Variants in GRIN2A observed in about 807,000 individuals in gnomAD.
GRIN2A encodes glutamate receptor ionotropic, NMDA 2A.
A neutral mutation model predicts 113.4 loss-of-function variants in GRIN2A; 22 were observed. That is an observed-to-expected ratio of 0.19 (90% CI 0.14 to 0.28). The LOEUF is 0.28. GRIN2A is among the 10% of genes least tolerant of loss of function. The pLI, the probability that GRIN2A is intolerant of heterozygous loss-of-function variation, is 1.00. For synonymous variants in GRIN2A, 827 were observed against 738.4 expected (o/e 1.12, Z -1.94); for missense variants, 1,502 against 1,887.0 (o/e 0.80, Z 3.78).
At chr16:10,021,082 G>C (rs1343281248) in intron 2 of GRIN2A, among the ~76,000 whole-genome samples, 1 of 152,154 alleles carries the variant, frequency 6.6e-6, no homozygotes, top group African/African-American at 2.4e-5. Context: ...GTCCTTTCAG[G>C]GGGCAGGTGA....
chr16:10,036,607 AT>A (rs1239675840), intron 2 of GRIN2A, among the ~76,000 whole-genome samples: 138 of 142,570 alleles, frequency 9.7e-4, no homozygotes, highest in East Asian at 1.0e-3. Context: ...CGCCCGGCTA[AT>A]TTTTTTTTTT....
chr16:10,102,894 G>A (rs2048427081), intron 2 of GRIN2A, among the ~76,000 whole-genome samples: 1 of 152,132 alleles, frequency 6.6e-6, no homozygotes, highest in African/African-American at 2.4e-5. Context: ...CTCTTGCACT[G>A]GGGCACTCTT....
At chr16:9,921,559 T>G (rs1210755330) in intron 3 of GRIN2A, among the ~76,000 whole-genome samples, 2 of 152,254 alleles carry the variant, frequency 1.3e-5, no homozygotes, top group Non-Finnish European at 2.9e-5. Context: ...ACAGAGATGT[T>G]GTGACAATAA....
At chr16:10,107,200 A>G (rs2048516783) in intron 2 of GRIN2A, among the ~76,000 whole-genome samples, 1 of 152,214 alleles carries the variant, frequency 6.6e-6, no homozygotes, top group African/African-American at 2.4e-5. Context: ...TATTTGGAAG[A>G]GCTAAGCGGA....
chr16:9,868,309 C>A (rs576231354), intron 4 of GRIN2A, among the ~76,000 whole-genome samples: 1 of 152,220 alleles, frequency 6.6e-6, no homozygotes, highest in Admixed American at 6.5e-5. Context: ...ATTCTGTCTC[C>A]CACGCTGGAT....
intron 2 of GRIN2A, among the ~76,000 whole-genome samples, chr16:9,970,290 C>T (rs975379413): frequency 4.6e-5 from 7 of 152,148 alleles, no homozygotes; most frequent in African/African-American, 1.7e-4. Flanking sequence ...CTTTAATGTA[C>T]AATCCTTTTC....
At chr16:10,105,873 C>T (rs760482317) in intron 2 of GRIN2A, among the ~76,000 whole-genome samples, 5 of 152,194 alleles carry the variant, frequency 3.3e-5, no homozygotes, top group East Asian at 1.9e-4. Flanking sequence ...TGCCACTGCA[C>T]GCCAGCCTCG....
intron 4 of GRIN2A, among the ~76,000 whole-genome samples, chr16:9,873,392 C>A (rs1428897292): frequency 6.6e-6 from 1 of 152,120 alleles, no homozygotes; most frequent in South Asian, 2.1e-4. Flanking sequence ...ATTCAAGTCA[C>A]CAACCTGAAT....
At chr16:10,179,807 A>G in intron 2 of GRIN2A, 191 bp downstream of exon 2, 1 of 633,424 alleles carries the variant, frequency 1.6e-6, no homozygotes, top group Non-Finnish European at 2.9e-6. Context: ...AACAAGGCAA[A>G]AGGCATTTCC....
chr16:9,865,680 C>T (rs895683171), intron 4 of GRIN2A, among the ~76,000 whole-genome samples: 3 of 152,164 alleles, frequency 2.0e-5, no homozygotes, highest in Admixed American at 6.6e-5. Flanking sequence ...ATTCATCTTG[C>T]TCATTCATTC....
intron 2 of GRIN2A, among the ~76,000 whole-genome samples, chr16:10,165,739 AGG>A: frequency 2.6e-5 from 1 of 38,910 alleles, no homozygotes; most frequent in Admixed American, 4.2e-4. Flanking sequence ...GGGAGAAAGG[AGG>A]GGAGGGGAGA....
chr16:9,980,231 C>T (rs541612747), intron 2 of GRIN2A, among the ~76,000 whole-genome samples: 21 of 151,410 alleles, frequency 1.4e-4, no homozygotes, highest in South Asian at 2.1e-4. Context: ...CGAGATCACA[C>T]GACTGCACTC....
intron 2 of GRIN2A, among the ~76,000 whole-genome samples, chr16:10,049,292 G>T (rs546759452): frequency 6.6e-6 from 1 of 151,992 alleles, no homozygotes; most frequent in Non-Finnish European, 1.5e-5. Context: ...CTCTATCTCA[G>T]GCACTGTGCT....
intron 2 of GRIN2A, among the ~76,000 whole-genome samples, chr16:9,999,907 T>C (rs1398615719): frequency 3.3e-5 from 5 of 152,266 alleles, no homozygotes; most frequent in Non-Finnish European, 7.4e-5. Context: ...AAATTCTAAA[T>C]GGGCTCACTA....
intron 2 of GRIN2A, among the ~76,000 whole-genome samples, chr16:10,058,307 A>G (rs1199636311): frequency 6.6e-6 from 1 of 151,928 alleles, no homozygotes; most frequent in Non-Finnish European, 1.5e-5. Context: ...AAAACAAAAA[A>G]CAAAGAAACA....
chr16:10,020,113 C>T (rs1406561239), intron 2 of GRIN2A, among the ~76,000 whole-genome samples: 2 of 152,118 alleles, frequency 1.3e-5, no homozygotes, highest in Admixed American at 6.5e-5. Flanking sequence ...AAACAGTATA[C>T]CAAAGAAATG....
intron 2 of GRIN2A, among the ~76,000 whole-genome samples, chr16:10,128,246 A>G (rs1322672886): frequency 6.6e-6 from 1 of 152,120 alleles, no homozygotes; most frequent in East Asian, 1.9e-4. Flanking sequence ...TTCAGCTATA[A>G]CAAGCCATAG....
chr16:9,855,129 G>C (rs1490624010), intron 4 of GRIN2A, among the ~76,000 whole-genome samples: 1 of 152,022 alleles, frequency 6.6e-6, no homozygotes, highest in African/African-American at 2.4e-5. Context: ...ACATGGCACA[G>C]GACAAGAGGG....
In GRIN2A at chr16:9,958,430, GCA is replaced by G. The variant is rs138981657; in HGVS notation, c.415-19881_415-19880del. 7.3e-5 allele frequency among the ~76,000 whole-genome samples: 11 copies of G among 151,428 alleles called. 1 individual carries two copies. In the South Asian group the frequency reaches 2.3e-3, roughly 32 times the overall value. ...CCCATCAATGACCACACAGACACAT[GCA>G]CACACACACACAGGTTCAACCCCAC... On this transcript the variant is annotated intron_variant, in intron 2 of 12. Transcript: ENST00000330684.
Sources: gnomAD v4.1 joint callset for allele counts (sites outside exome capture counted in the v4.1 genomes callset) on GRCh38, gnomAD v4.1.1 for gene constraint, MANE v1.5 for transcripts, NCBI Gene and HGNC (gene_info 2026-07-23, HGNC 2026-07-21) for gene names.